The following SGCD variants were observed in gnomAD, a reference collection of about 807,000 sequenced individuals.
The protein encoded by SGCD is delta-sarcoglycan.
In SGCD, 18 loss-of-function variants were observed where a neutral mutation model predicts 36.6. That is an observed-to-expected ratio of 0.49 (90% CI 0.34 to 0.73). SGCD has a LOEUF of 0.73. Ranked by LOEUF, SGCD falls within the 30% of genes least tolerant of loss-of-function variation. The pLI, the probability that SGCD is intolerant of heterozygous loss-of-function variation, is 0.01. For missense variants in SGCD, 387 were observed against 346.7 expected (o/e 1.12, Z -0.92); for synonymous variants, 133 against 130.6 (o/e 1.02, Z -0.12).
intron 3 of SGCD, among the ~76,000 whole-genome samples, chr5:156,374,366 A>G (rs1202569082): frequency 1.3e-5 from 2 of 152,162 alleles, no homozygotes; most frequent in African/African-American, 4.8e-5. Context: ...GACCAACTAT[A>G]GCATAACGCA....
intron 3 of SGCD, among the ~76,000 whole-genome samples, chr5:156,485,967 T>C (rs2127844050): frequency 6.6e-6 from 1 of 152,182 alleles, no homozygotes; most frequent in South Asian, 2.1e-4. Context: ...GCTCCTCAGG[T>C]TTTGCAGGTC....
At chr5:155,782,198 T>C in the SGCD span, among the ~76,000 whole-genome samples, 3 of 152,032 alleles carry the variant, frequency 2.0e-5, no homozygotes, top group Admixed American at 1.3e-4. Flanking sequence ...CTAATTTTTG[T>C]ATTTTCAGTA....
intron 7 of SGCD, among the ~76,000 whole-genome samples, chr5:156,653,493 C>CTGTTTTTTTTTTTTTTTTTTTTTTTTT (rs1763544872): frequency 2.1e-5 from 1 of 48,082 alleles, no homozygotes; most frequent in Non-Finnish European, 4.0e-5. Flanking sequence ...CTAAAGCTTG[C>CTGTTTTTTTTTTTTTTTTTTTTTTTTT]TTTTTTTTTT....
chr5:156,340,591 G>A (rs1426062193), intron 2 of SGCD, among the ~76,000 whole-genome samples: 7 of 152,190 alleles, frequency 4.6e-5, no homozygotes, highest in Non-Finnish European at 7.3e-5. Flanking sequence ...GAGCTAACAC[G>A]AGGGGAAGTC....
chr5:156,375,558 T>A (rs1770616418), intron 3 of SGCD, among the ~76,000 whole-genome samples: 1 of 152,192 alleles, frequency 6.6e-6, no homozygotes, highest in Non-Finnish European at 1.5e-5. Flanking sequence ...CTGTGCTGTG[T>A]GATCATTTCC....
intron 6 of SGCD, among the ~76,000 whole-genome samples, chr5:156,618,182 T>C (rs1008605084): frequency 3.3e-5 from 5 of 152,166 alleles, no homozygotes; most frequent in Non-Finnish European, 7.3e-5. Flanking sequence ...AGTCCAAACC[T>C]TGATGCCTGG....
intron 7 of SGCD, among the ~76,000 whole-genome samples, chr5:156,651,711 A>C (rs1325237883): frequency 6.6e-6 from 1 of 152,088 alleles, no homozygotes; most frequent in Non-Finnish European, 1.5e-5. Context: ...CTTAAAGTAC[A>C]CTTTGAAGCT....
intron 1 of SGCD, among the ~76,000 whole-genome samples, chr5:155,931,222 G>A (rs1757092317): frequency 6.6e-6 from 1 of 152,110 alleles, no homozygotes; most frequent in African/African-American, 2.4e-5. Context: ...GAGTAAGCTT[G>A]TTGGGTTATC....
intron 1 of SGCD, among the ~76,000 whole-genome samples, chr5:156,114,993 ATTTT>A (rs964889689): frequency 2.0e-5 from 3 of 152,130 alleles, no homozygotes; most frequent in African/African-American, 7.2e-5. Context: ...AAAATATTAC[ATTTT>A]TTAAGTTGAG....
intron 3 of SGCD, among the ~76,000 whole-genome samples, chr5:156,233,810 A>G (rs1765084323): frequency 1.3e-5 from 2 of 152,222 alleles, no homozygotes; most frequent in South Asian, 2.1e-4. Context: ...ACTTGAGCCC[A>G]GGAGGTTGAG....
intron 3 of SGCD, among the ~76,000 whole-genome samples, chr5:156,171,878 A>G (rs1053973351): frequency 2.6e-5 from 4 of 152,328 alleles, no homozygotes; most frequent in African/African-American, 9.6e-5. Flanking sequence ...GGGAATTTCT[A>G]GAAGTTATGA....
chr5:156,140,421 A>T (rs554566420), intron 3 of SGCD, among the ~76,000 whole-genome samples: 1 of 152,326 alleles, frequency 6.6e-6, no homozygotes, highest in East Asian at 1.9e-4. Context: ...GGATGCTGAA[A>T]GACCAGTTTG....
intron 3 of SGCD, among the ~76,000 whole-genome samples, chr5:156,212,728 C>T (rs1764477564): frequency 2.6e-5 from 4 of 152,054 alleles, no homozygotes; most frequent in Admixed American, 2.6e-4. Context: ...GGAACATTTT[C>T]TCGGATAGAT....
chr5:156,529,285 C>T (rs894592436), intron 4 of SGCD, among the ~76,000 whole-genome samples: 1 of 151,736 alleles, frequency 6.6e-6, no homozygotes, highest in African/African-American at 2.4e-5. Context: ...ATTAGCTGGG[C>T]GTGGTGGTGT....
the SGCD span, among the ~76,000 whole-genome samples, chr5:155,746,656 A>G: frequency 0.01 from 1,526 of 152,078 alleles, 25 homozygotes; most frequent in African/African-American, 0.035. Context: ...CCATCTGCCC[A>G]CCTAGTTCCT....
chr5:156,322,474 C>T (rs1201182702), upstream of SGCD, among the ~76,000 whole-genome samples: 1 of 151,938 alleles, frequency 6.6e-6, no homozygotes, highest in Non-Finnish European at 1.5e-5. Flanking sequence ...CATTGTCTCT[C>T]AGGAAAGATT....
At chr5:156,521,189 T>C (rs1361344751) in intron 4 of SGCD, among the ~76,000 whole-genome samples, 3 of 152,084 alleles carry the variant, frequency 2.0e-5, no homozygotes, top group African/African-American at 7.2e-5. Context: ...TTACACCATA[T>C]ACAAAAATCA....
intron 3 of SGCD, among the ~76,000 whole-genome samples, chr5:156,456,315 A>G (rs1020336205): frequency 1.3e-5 from 2 of 152,188 alleles, no homozygotes; most frequent in Middle Eastern, 3.2e-3. Flanking sequence ...AAGAGACAGC[A>G]TCTTTCCTCT....
intron 1 of SGCD, among the ~76,000 whole-genome samples, chr5:156,003,928 C>T (rs761524982): frequency 6.6e-6 from 1 of 152,130 alleles, no homozygotes; most frequent in Non-Finnish European, 1.5e-5. Flanking sequence ...AGCATCAGGG[C>T]TCCATTAGTC....
Sources: gnomAD v4.1 joint callset for allele counts (sites outside exome capture counted in the v4.1 genomes callset) on GRCh38, gnomAD v4.1.1 for gene constraint, MANE v1.5 for transcripts, NCBI Gene and HGNC (gene_info 2026-07-23, HGNC 2026-07-21) for gene names.